SP1: variants seen among roughly 807,000 people sequenced by gnomAD.
SP1 encodes Sp1 transcription factor.
In SP1, 6 loss-of-function variants were observed where a neutral mutation model predicts 66.3. The observed-to-expected ratio is 0.09, with a 90% CI of 0.05 to 0.18. The LOEUF is 0.18. Among genes scored for constraint, SP1 ranks in the 10% least tolerant of loss-of-function variants. The pLI is 1.00. For missense variants in SP1, 848 were observed against 964.5 expected (o/e 0.88, Z 1.60); for synonymous variants, 417 against 360.8 (o/e 1.16, Z -1.77).
At chr12:53,403,718 CTTAT>C (rs1315827042) in intron 3 of SP1, among the ~76,000 whole-genome samples, 1 of 152,062 alleles carries the variant, frequency 6.6e-6, no homozygotes, top group African/African-American at 2.4e-5. Context: ...TAGACTAATA[CTTAT>C]TTATAGTAAA....
Position 53,380,263 on chromosome 12 carries a change from C to T in SP1, c.-29C>T. 6.4e-7 allele frequency: 1 copy of T among 1,572,214 alleles called. No individual in the cohort carries two copies. Among genetic ancestry groups the T allele is most frequent in the East Asian group, 2.3e-5 (1 of 44,224 alleles). Reference sequence around the variant, plus strand: ...CCCCCCCAACCCCCCCGGACAGGACCCCCTTGAGCTTGTCCCTCAGCTGCC... The same window carrying T: ...CCCCCCCAACCCCCCCGGACAGGACTCCCTTGAGCTTGTCCCTCAGCTGCC... On this transcript the variant is annotated 5_prime_UTR_variant, in exon 1 of 6. Transcript: ENST00000327443.
chr12:53,402,693 G>A (rs1365268745), intron 3 of SP1, among the ~76,000 whole-genome samples: 1 of 150,756 alleles, frequency 6.6e-6, no homozygotes, highest in Non-Finnish European at 1.5e-5. Context: ...GCAGCCGGGT[G>A]CAGTGGCTCA....
chr12:53,398,752 C>T (rs1003377503), intron 3 of SP1, among the ~76,000 whole-genome samples: 2 of 152,102 alleles, frequency 1.3e-5, no homozygotes, highest in Admixed American at 1.3e-4. Context: ...TGATAAAGAT[C>T]TGTAGAACTT....
intron 1 of SP1, chr12:53,380,670 C>A (rs1426546486): frequency 1.0e-6 from 1 of 989,710 alleles, no homozygotes; most frequent in Non-Finnish European, 1.2e-6. Flanking sequence ...AACCGCCTGC[C>A]TGGTCCGCCC....
At chr12:53,381,327 T>C (rs768818068) in intron 1 of SP1, 21 of 183,290 alleles carry the variant, frequency 1.1e-4, no homozygotes, top group Non-Finnish European at 2.2e-4. Flanking sequence ...ACCTGTCCTT[T>C]TCCTTTTTTT....
chr12:53,410,923 C>G lies in SP1; in HGVS notation c.2045-4C>G, dbSNP rs1219946776. ...AGCTTCTTATCTTTTCTTCCTTTAC[C>G]TAGGTGAGAAGAAATTTGCCTGCCC... On this transcript the variant is annotated splice_polypyrimidine_tract_variant and splice_region_variant and intron_variant, in intron 5 of 5. Coordinates refer to ENST00000327443, the MANE Select transcript of SP1 (RefSeq NM_138473.3). 1 of 1,607,884 alleles carries G rather than the reference C, an allele frequency of 6.2e-7. No individual in the cohort carries two copies. The highest frequency in any genetic ancestry group is 1.1e-5 in the South Asian group (1 of 90,684).
chr12:53,403,260 A>T (rs1938652671), intron 3 of SP1, among the ~76,000 whole-genome samples: 1 of 152,234 alleles, frequency 6.6e-6, no homozygotes. Context: ...GGATTTCTAG[A>T]TGTTAAGTCT....
At chr12:53,381,984 G>T in intron 2 of SP1, 126 bp from the exon 3 acceptor site, 1 of 1,142,470 alleles carries the variant, frequency 8.8e-7, no homozygotes, top group Non-Finnish European at 1.2e-6. Flanking sequence ...ATACAGATAG[G>T]TCAGCTTTTT....
At chr12:53,397,270 C>G (rs1048525813) in intron 3 of SP1, among the ~76,000 whole-genome samples, 1 of 152,006 alleles carries the variant, frequency 6.6e-6, no homozygotes, top group Non-Finnish European at 1.5e-5. Flanking sequence ...CTCAGCCTCC[C>G]AAAATGCTGA....
At chr12:53,394,640 A>G (rs1592563150) in intron 3 of SP1, among the ~76,000 whole-genome samples, 1 of 112,100 alleles carries the variant, frequency 8.9e-6, no homozygotes, top group East Asian at 2.5e-4. Flanking sequence ...TTTGAGACGC[A>G]GTCTCGCTCT....
Position 53,383,360 on chromosome 12 carries a change from C to A in SP1, c.1413C>A (p.Asn471Lys). ...QVSWQTLQLQ[N>K]LQVQNPQAQT... is the part of the protein sequence containing the mutation. Reference sequence around the variant, plus strand: ...GTTGGCAGACTCTACAGCTGCAGAACCTCCAAGTTCAGAACCCACAAGCCC... The same window carrying A: ...GTTGGCAGACTCTACAGCTGCAGAAACTCCAAGTTCAGAACCCACAAGCCC... Residue 471 changes from asparagine to lysine, a missense_variant, in exon 3 of 6, where the codon AAC (asparagine) becomes AAA (lysine). This residue lies in a region of SP1 where 606 missense variants were observed against 589.9 expected (regional missense o/e 1.03). Coordinates refer to ENST00000327443, the MANE Select transcript of SP1 (RefSeq NM_138473.3). 4 of 1,614,230 alleles carry A rather than the reference C, an allele frequency of 2.5e-6. No homozygotes were observed. Among genetic ancestry groups the A allele is most frequent in the Non-Finnish European group, 3.4e-6 (4 of 1,180,050 alleles).
chr12:53,397,016 G>A (rs1938506777), intron 3 of SP1, among the ~76,000 whole-genome samples: 1 of 151,796 alleles, frequency 6.6e-6, no homozygotes, highest in South Asian at 2.1e-4. Flanking sequence ...TCTAGACCCT[G>A]TTTTGTTTTT....
Position 53,409,412 on chromosome 12 carries a change from G to A in SP1, c.1895G>A (p.Gly632Asp). ...KKKQHICHIQGCGKVYGKTSH... is the reference protein window; with the variant it reads ...KKKQHICHIQDCGKVYGKTSH... ...AAACAGCATATTTGCCACATCCAAG[G>A]CTGTGGGAAAGTGTATGGCAAGACC... The change falls in exon 5 of 6, where the codon GGC (glycine) becomes GAC (aspartate). Residue 632 changes from glycine to aspartate, a missense_variant. Gly to Asp is a moderately conservative substitution (Grantham distance 94). Transcript: ENST00000327443. 1 of 1,614,110 alleles carries A rather than the reference G, an allele frequency of 6.2e-7. No individual in the cohort carries two copies. The highest frequency in any genetic ancestry group is 8.5e-7 in the Non-Finnish European group (1 of 1,180,014).
chr12:53,382,437 C>G lies in SP1; in HGVS notation c.490C>G (p.Leu164Val). Residue 164 changes from leucine to valine, a missense_variant, in exon 3 of 6, where the codon CTA (leucine) becomes GTA (valine). By Grantham distance (32) the Leu-to-Val change is conservative. Coordinates refer to ENST00000327443, the MANE Select transcript of SP1 (RefSeq NM_138473.3). The stretch of plus-strand genomic sequence containing the variant: ...ACAGAACCAGCAAGTTCTGACAGGA[C>G]TACCTGGAGTGATGCCTAATATTCA... ...NLQNQQVLTG[L>V]PGVMPNIQYQ... is the part of the protein sequence containing the mutation. 1.9e-6 allele frequency: 3 copies of G among 1,614,192 alleles called. No individual in the cohort carries two copies. The highest frequency in any genetic ancestry group is 2.5e-6 in the Non-Finnish European group (3 of 1,180,036).
chr12:53,386,905 A>G (rs1284788891), intron 3 of SP1, among the ~76,000 whole-genome samples: 1 of 151,098 alleles, frequency 6.6e-6, no homozygotes, highest in Non-Finnish European at 1.5e-5. Context: ...AAATAGTTTA[A>G]TATCACCAAA....
chr12:53,408,245 C>CA (rs548495020), intron 4 of SP1, among the ~76,000 whole-genome samples: 1,583 of 97,648 alleles, frequency 0.016, 43 homozygotes, highest in African/African-American at 0.052. Context: ...GACTCTGTCT[C>CA]AAAAAAAAAA....
At chr12:53,393,335 G>A (rs1172603634) in intron 3 of SP1, among the ~76,000 whole-genome samples, 4 of 151,222 alleles carry the variant, frequency 2.6e-5, no homozygotes, top group African/African-American at 7.3e-5. Flanking sequence ...TCTTGCTCTT[G>A]TTGCCCAGGC....
At chr12:53,408,503 G>A (rs1565818298) in intron 4 of SP1, among the ~76,000 whole-genome samples, 1 of 151,540 alleles carries the variant, frequency 6.6e-6, no homozygotes, top group Non-Finnish European at 1.5e-5. Flanking sequence ...TGTTGGCCAG[G>A]CTGGTCTCGG....
intron 3 of SP1, among the ~76,000 whole-genome samples, chr12:53,406,254 A>T (rs1938736392): frequency 6.6e-6 from 1 of 151,692 alleles, no homozygotes; most frequent in South Asian, 2.1e-4. Flanking sequence ...TTTTTAGTAG[A>T]GACGGGATTT....
Sources: allele counts gnomAD v4.1 joint callset (sites outside exome capture counted in the v4.1 genomes callset), GRCh38; gene constraint gnomAD v4.1.1; regional missense constraint gnomAD v4.1.1; transcripts MANE v1.5; gene names NCBI Gene and HGNC (gene_info 2026-07-23, HGNC 2026-07-21).